CADM1: variants seen among roughly 807,000 people sequenced by gnomAD.
The protein encoded by CADM1 is TSLC-1.
In CADM1, 15 loss-of-function variants were observed where a neutral mutation model predicts 53.1. That is an observed-to-expected ratio of 0.28 (90% CI 0.19 to 0.44). The LOEUF is 0.44. Among genes scored for constraint, CADM1 ranks in the 20% least tolerant of loss-of-function variants. CADM1 has a pLI of 1.00. For missense variants in CADM1, 434 were observed against 611.3 expected, an observed-to-expected ratio of 0.71 and a Z score of 3.06; for synonymous variants, 281 against 243.0, an observed-to-expected ratio of 1.16 and a Z score of -1.45.
chr11:115,314,909 C>T (rs1440375076), intron 1 of CADM1, among the ~76,000 whole-genome samples: 2 of 152,206 alleles, frequency 1.3e-5, no homozygotes, highest in Admixed American at 6.5e-5. Context: ...CAAATGGTCA[C>T]TTTCAGCAGA....
At chr11:115,476,819 C>T (rs1194558206) in intron 1 of CADM1, among the ~76,000 whole-genome samples, 1 of 152,136 alleles carries the variant, frequency 6.6e-6, no homozygotes, top group Non-Finnish European at 1.5e-5. Context: ...AGCAAACAAG[C>T]CATGGGGCAC....
chr11:115,206,332 C>T (rs545575659), intron 8 of CADM1, among the ~76,000 whole-genome samples: 5 of 152,160 alleles, frequency 3.3e-5, no homozygotes, highest in Non-Finnish European at 7.4e-5. Context: ...TGTGCCTTCA[C>T]GTGTAACTCT....
At chr11:115,407,444 A>G (rs1238228552) in intron 1 of CADM1, among the ~76,000 whole-genome samples, 1 of 152,220 alleles carries the variant, frequency 6.6e-6, no homozygotes, top group African/African-American at 2.4e-5. Context: ...GCATCTTGGT[A>G]TAGAAAGGCT....
intron 1 of CADM1, among the ~76,000 whole-genome samples, chr11:115,460,558 TTG>T (rs919738054): frequency 1.3e-5 from 2 of 152,190 alleles, no homozygotes; most frequent in African/African-American, 4.8e-5. Context: ...GTCACCAGAA[TTG>T]TTTTAAGTGG....
intron 4 of CADM1, among the ~76,000 whole-genome samples, chr11:115,231,059 T>G (rs1941795429): frequency 6.6e-6 from 1 of 152,190 alleles, no homozygotes. Flanking sequence ...ACAGCCCTCA[T>G]GAAAATTTTT....
At chr11:115,448,392 A>G (rs1948499371) in intron 1 of CADM1, among the ~76,000 whole-genome samples, 1 of 152,180 alleles carries the variant, frequency 6.6e-6, no homozygotes, top group Admixed American at 6.5e-5. Flanking sequence ...CTGTCTCCTT[A>G]TTCAACACAC....
chr11:115,382,194 G>A (rs966080638), intron 1 of CADM1, among the ~76,000 whole-genome samples: 2 of 152,206 alleles, frequency 1.3e-5, no homozygotes, highest in South Asian at 2.1e-4. Flanking sequence ...AGAAGATACA[G>A]CCCAACAAAC....
At chr11:115,365,193 T>G (rs1205991183) in intron 1 of CADM1, among the ~76,000 whole-genome samples, 3 of 152,182 alleles carry the variant, frequency 2.0e-5, no homozygotes, top group Non-Finnish European at 4.4e-5. Flanking sequence ...ACTGTATGAA[T>G]TAAATAGTAT....
chr11:115,450,546 A>T (rs1426337549), intron 1 of CADM1, among the ~76,000 whole-genome samples: 4 of 152,168 alleles, frequency 2.6e-5, no homozygotes, highest in Non-Finnish European at 5.9e-5. Flanking sequence ...CATTTTGTTA[A>T]CTGTTGTTCA....
chr11:115,181,961 G>A (rs1939335228), intron 10 of CADM1, among the ~76,000 whole-genome samples: 2 of 152,312 alleles, frequency 1.3e-5, no homozygotes, highest in South Asian at 4.1e-4. Context: ...AGAGAAGCAT[G>A]GCTGCGACAA....
intron 8 of CADM1, among the ~76,000 whole-genome samples, chr11:115,203,378 AAAAG>A: frequency 6.6e-6 from 1 of 152,182 alleles, no homozygotes; most frequent in Non-Finnish European, 1.5e-5. Flanking sequence ...GGAGGGAAGG[AAAAG>A]AAGAGGATGT....
intron 1 of CADM1, among the ~76,000 whole-genome samples, chr11:115,317,413 G>T (rs184871204): frequency 6.6e-6 from 1 of 152,100 alleles, no homozygotes; most frequent in African/African-American, 2.4e-5. Flanking sequence ...TGCCCTACAC[G>T]AAGGAACATT....
At chr11:115,272,909 T>TA (rs921023557) in intron 1 of CADM1, among the ~76,000 whole-genome samples, 57 of 150,744 alleles carry the variant, frequency 3.8e-4, no homozygotes, top group East Asian at 1.9e-4. Flanking sequence ...TAAAAAAATT[T>TA]AAAAAAAAAG....
chr11:115,424,701 AT>A, intron 1 of CADM1, among the ~76,000 whole-genome samples: 1 of 151,886 alleles, frequency 6.6e-6, no homozygotes. Flanking sequence ...TAATTTTTGC[AT>A]TTTTGTAGAG....
intron 1 of CADM1, among the ~76,000 whole-genome samples, chr11:115,483,590 T>TA (rs1949302782): frequency 6.6e-6 from 1 of 152,162 alleles, no homozygotes; most frequent in Non-Finnish European, 1.5e-5. Flanking sequence ...AAGCCCACAA[T>TA]AGCTCAGTCC....
chr11:115,429,301 A>T (rs1171988980), intron 1 of CADM1, among the ~76,000 whole-genome samples: 1 of 152,156 alleles, frequency 6.6e-6, no homozygotes, highest in Non-Finnish European at 1.5e-5. Flanking sequence ...TATATGCAAC[A>T]TATATTATTA....
At chr11:115,178,586 TC>T in intron 11 of CADM1, 57 bp downstream of exon 11, 1 of 1,578,272 alleles carries the variant, frequency 6.3e-7, no homozygotes, top group Non-Finnish European at 8.6e-7. Flanking sequence ...CCTTGTAAAG[TC>T]TCCAAAGGCA....
At chr11:115,471,137 G>C (rs1234898511) in intron 1 of CADM1, among the ~76,000 whole-genome samples, 1 of 152,172 alleles carries the variant, frequency 6.6e-6, no homozygotes, top group African/African-American at 2.4e-5. Context: ...GGACATATTT[G>C]CTGTGTTGAC....
intron 9 of CADM1, among the ~76,000 whole-genome samples, chr11:115,194,410 G>C (rs1353964470): frequency 6.6e-6 from 1 of 152,212 alleles, no homozygotes; most frequent in African/African-American, 2.4e-5. Context: ...AGTTTTCTAA[G>C]GGCTGTGCTC....
Sources: allele counts gnomAD v4.1 joint callset (sites outside exome capture counted in the v4.1 genomes callset), GRCh38; gene constraint gnomAD v4.1.1; transcripts MANE v1.5; gene names NCBI Gene and HGNC (gene_info 2026-07-23, HGNC 2026-07-21).